The following UVSSA variants were observed in gnomAD, a reference collection of about 807,000 sequenced individuals.
UVSSA encodes the protein UV stimulated scaffold protein A.
Under a neutral mutation model 73.9 loss-of-function variants are expected in UVSSA, and 72 were observed. The ratio of observed to expected loss-of-function variants is 0.97; its 90% CI spans 0.81 to 1.19. The LOEUF (loss-of-function observed/expected upper bound fraction) is 1.19. Among genes scored for constraint, UVSSA ranks in the 50% most tolerant of loss-of-function variants. The probability of loss-of-function intolerance (pLI) is 0.00; values close to 1 mark genes in which losing one functional copy is unlikely to be tolerated. For missense variants in UVSSA, 1,150 were observed against 965.0 expected (o/e 1.19, Z -2.54); for synonymous variants, 454 against 391.3 (o/e 1.16, Z -1.89).
At chr4:1,374,257 G>A (rs956828407) in intron 8 of UVSSA, among the ~76,000 whole-genome samples, 3 of 152,206 alleles carry the variant, frequency 2.0e-5, no homozygotes, top group Admixed American at 2.0e-4. Context: ...GGTTTGGGGA[G>A]GTGGGTGGTG....
chr4:1,362,910 G>A (rs901271636), intron 7 of UVSSA, among the ~76,000 whole-genome samples: 7 of 152,154 alleles, frequency 4.6e-5, no homozygotes, highest in African/African-American at 7.2e-5. Context: ...CTAGGCTCAC[G>A]GCTTCCCCAT....
intron 12 of UVSSA, among the ~76,000 whole-genome samples, chr4:1,382,177 G>T (rs1350360769): frequency 6.6e-6 from 1 of 152,254 alleles, no homozygotes; most frequent in Non-Finnish European, 1.5e-5. Context: ...CGGCGGGAGG[G>T]CCCTGACCTG....
rs1714365568 is a variant in UVSSA at position 1,349,650 on chromosome 4, C to G, written c.225C>G (p.Phe75Leu). ...VEELFVRSHQ[F>L]RMLVVSNFQE... ...AACTCTTCGTCAGGTCTCACCAGTT[C>G]CGGATGCTGGTTGTTTCCAACTTCC... The change falls in exon 3 of 14, where the codon TTC becomes TTG. Residue 75 changes from phenylalanine to leucine, a missense_variant. Transcript: ENST00000389851. 2.5e-6 allele frequency: 4 copies of G among 1,614,092 alleles called. No individual in the cohort carries two copies. Among genetic ancestry groups the G allele is most frequent in the Non-Finnish European group, 3.4e-6 (4 of 1,179,996 alleles).
intron 7 of UVSSA, among the ~76,000 whole-genome samples, chr4:1,358,730 G>A (rs984699740): frequency 2.6e-5 from 4 of 152,362 alleles, no homozygotes; most frequent in Middle Eastern, 6.8e-3. Context: ...AATTATGGAC[G>A]AGGTGCTCCT....
In UVSSA at chr4:1,366,371, G is replaced by A. The variant is rs943779631; in HGVS notation, c.1228G>A (p.Glu410Lys). The A allele has an allele frequency of 6.2e-7, 1 of 1,613,482 alleles. No individual in the cohort carries two copies. Among genetic ancestry groups the A allele is most frequent in the Admixed American group, 1.7e-5 (1 of 59,962 alleles). The change falls in exon 8 of 14, where the codon GAG (glutamate) becomes AAG (lysine). Residue 410 changes from glutamate (E) to lysine (K), a missense_variant. Transcript: ENST00000389851. ...EEDEDDEDFV[E>K]VPEKEGYEPH... ...AGATGAGGACGATGAGGACTTTGTGGAGGTCCCTGAGAAGGAGGGGTATGA... is the reference window on the plus strand; with the variant it reads ...AGATGAGGACGATGAGGACTTTGTGAAGGTCCCTGAGAAGGAGGGGTATGA...
upstream of UVSSA, among the ~76,000 whole-genome samples, chr4:1,347,045 G>T (rs1350889664): frequency 1.3e-5 from 2 of 152,166 alleles, no homozygotes; most frequent in Non-Finnish European, 2.9e-5. Context: ...GCCTTGACCG[G>T]AAAGGGTGGG....
intron 11 of UVSSA, 99 bp from the exon 12 acceptor site, chr4:1,380,781 C>T (rs1719386249): frequency 5.0e-6 from 8 of 1,585,812 alleles, no homozygotes; most frequent in South Asian, 3.4e-5. Flanking sequence ...ATACCACCCA[C>T]CCTGGTCGCT....
downstream of UVSSA, chr4:1,391,495 C>G (rs1456036149): frequency 6.6e-6 from 1 of 152,116 alleles, no homozygotes; most frequent in Non-Finnish European, 1.5e-5. Context: ...ATCTGTATTT[C>G]TATTTCTTTC....
intron 10 of UVSSA, 65 bp from the exon 11 acceptor site, chr4:1,379,982 C>G: frequency 6.6e-7 from 1 of 1,516,466 alleles, no homozygotes. Flanking sequence ...TGTGCCTGCA[C>G]CACCGTGGCC....
chr4:1,381,575 C>T (rs1194330987), intron 12 of UVSSA, among the ~76,000 whole-genome samples: 3 of 152,118 alleles, frequency 2.0e-5, no homozygotes, highest in Non-Finnish European at 4.4e-5. Context: ...GCCCGCCCTG[C>T]CTCCCCTCGG....
intron 13 of UVSSA, 194 bp from the exon 14 acceptor site, chr4:1,385,674 C>A (rs1405243936): frequency 1.6e-6 from 1 of 612,806 alleles, no homozygotes; most frequent in African/African-American, 1.8e-5. Flanking sequence ...CCTTTCTAAG[C>A]CTGTCTGTCT....
chr4:1,386,372 AAT>A lies in UVSSA; in HGVS notation c.*412_*413del. 1 of 177,942 alleles carries A rather than the reference AAT, an allele frequency of 5.6e-6. No homozygotes were observed. Among genetic ancestry groups the A allele is most frequent in the South Asian group, 1.3e-4 (1 of 7,724 alleles). The allele number at this position is 177,942 out of a possible 1,614,324, so 11.0% of individuals were successfully genotyped here. A position where few individuals can be genotyped will look rare whatever the true frequency, so the allele number is the denominator to read the frequency against. On this transcript the variant is annotated 3_prime_UTR_variant, in exon 14 of 14. Coordinates refer to ENST00000389851, the MANE Select transcript of UVSSA (RefSeq NM_020894.4). ...ACTCTGGGAAACCCACTTTTGTGCA[AAT>A]GCTGTTTTTAACACAAACACAAAGG...
upstream of UVSSA, among the ~76,000 whole-genome samples, chr4:1,346,867 CCT>C (rs1199950338): frequency 2.0e-5 from 3 of 152,240 alleles, no homozygotes; most frequent in East Asian, 1.9e-4. Flanking sequence ...CGCCCTCCCG[CCT>C]CTTTTTTCTC....
At position 1,376,104 on chromosome 4, in the gene UVSSA, G is replaced by C; in HGVS notation, c.1504G>C (p.Val502Leu). ...AGCAGAGCGGGCCCGGGCGCCTGTGGTGCCCTACGGCGTGGACCTGCACTA... is the reference window on the plus strand; with the variant it reads ...AGCAGAGCGGGCCCGGGCGCCTGTGCTGCCCTACGGCGTGGACCTGCACTA... The part of the protein sequence containing the change: ...LAAERARAPV[V>L]PYGVDLHYWG... Residue 502 changes from valine to leucine, a missense_variant, in exon 10 of 14, where the codon GTG (valine) becomes CTG (leucine). Physicochemically the swap from Val to Leu is conservative, Grantham distance 32 (BLOSUM62 1). Coordinates refer to ENST00000389851, the MANE Select transcript of UVSSA (RefSeq NM_020894.4). 2.5e-6 allele frequency: 4 copies of C among 1,606,566 alleles called. No homozygotes were observed. The highest frequency in any genetic ancestry group is 3.4e-6 in the Non-Finnish European group (4 of 1,177,118).
upstream of UVSSA, among the ~76,000 whole-genome samples, chr4:1,346,360 G>C (rs1454573779): frequency 6.6e-6 from 1 of 152,084 alleles, no homozygotes; most frequent in Non-Finnish European, 1.5e-5. Context: ...GGCCTGTGCC[G>C]GGCGCCCCGC....
intron 10 of UVSSA, among the ~76,000 whole-genome samples, chr4:1,379,782 G>C (rs62284733): frequency 0.051 from 924 of 17,996 alleles, 4 homozygotes; most frequent in East Asian, 0.07. Context: ...TCAGACGCAG[G>C]CGGTCGTGCC....
Position 1,351,819 on chromosome 4 carries a change from G to A in UVSSA, c.534G>A (p.Ala178=), listed in dbSNP as rs201407968. The change falls in exon 4 of 14, where the codon GCG becomes GCA. Residue 178 remains alanine, a synonymous_variant. Transcript: ENST00000389851. ...TTTATCAAGAAAGAGCCAGCCAGGC[G>A]GAGAGGGAGATGCAAGGCAAGTGTC... ...DKIYQERASQ[A]EREMQEMSGE... 28 of 1,613,404 alleles carry A rather than the reference G, an allele frequency of 1.7e-5. No homozygotes were observed. The East Asian group carries it at 3.1e-4, about 18-fold the overall frequency.
At chr4:1,379,829 C>G (rs1469057240) in intron 10 of UVSSA, among the ~76,000 whole-genome samples, 3 of 15,512 alleles carry the variant, frequency 1.9e-4, no homozygotes, top group Non-Finnish European at 3.3e-4. Flanking sequence ...CATCAGAATT[C>G]AGACGCAGGC....
intron 8 of UVSSA, among the ~76,000 whole-genome samples, chr4:1,369,448 CGCT>C (rs1717754820): frequency 6.6e-6 from 1 of 152,236 alleles, no homozygotes; most frequent in Non-Finnish European, 1.5e-5. Context: ...TATATTCTGC[CGCT>C]GTTTTTTCAA....
Sources: gnomAD v4.1 joint callset for allele counts (sites outside exome capture counted in the v4.1 genomes callset) on GRCh38, gnomAD v4.1.1 for gene constraint, MANE v1.5 for transcripts, NCBI Gene and HGNC (gene_info 2026-07-23, HGNC 2026-07-21) for gene names.